VAV2: variants seen among roughly 807,000 people sequenced by gnomAD.
The protein encoded by VAV2 is guanine nucleotide exchange factor VAV2.
In VAV2, 67 loss-of-function variants were observed where a neutral mutation model predicts 132.5. That is an observed-to-expected ratio of 0.51 (90% confidence interval 0.42 to 0.62). VAV2 has a LOEUF of 0.62. Among genes scored for constraint, VAV2 ranks in the 20% least tolerant of loss-of-function variants. The pLI, the probability that VAV2 is intolerant of heterozygous loss-of-function variation, is 0.00. For missense variants in VAV2, 938 were observed against 1,153.6 expected (o/e 0.81, Z 2.71); for synonymous variants, 492 against 443.5 (o/e 1.11, Z -1.37).
intron 1 of VAV2, among the ~76,000 whole-genome samples, chr9:133,950,826 T>C (rs967579046): frequency 6.6e-6 from 1 of 152,066 alleles, no homozygotes; most frequent in South Asian, 2.1e-4. Context: ...TCTCCATTTC[T>C]TCCCCCTTCC....
intron 1 of VAV2, among the ~76,000 whole-genome samples, chr9:133,975,098 C>T (rs1842464042): frequency 6.6e-6 from 1 of 152,228 alleles, no homozygotes; most frequent in African/African-American, 2.4e-5. Context: ...AAAGCACCAA[C>T]AGGCCGTTTC....
At chr9:133,770,573 C>G in intron 26 of VAV2, 72 bp from the exon 27 acceptor site, 1 of 1,584,892 alleles carries the variant, frequency 6.3e-7, no homozygotes, top group Non-Finnish European at 8.6e-7. Flanking sequence ...CCTGGCCTCC[C>G]TCTCCCACCT....
chr9:133,855,971 G>A (rs1837369157), intron 3 of VAV2, among the ~76,000 whole-genome samples: 2 of 152,232 alleles, frequency 1.3e-5, no homozygotes, highest in South Asian at 4.1e-4. Context: ...ATGTTCCACG[G>A]CCATAAAGAG....
At chr9:133,896,963 G>A (rs1017171946) in intron 2 of VAV2, among the ~76,000 whole-genome samples, 8 of 152,010 alleles carry the variant, frequency 5.3e-5, no homozygotes, top group African/African-American at 9.7e-5. Flanking sequence ...GCGTGGTGGC[G>A]GGCGCCTGTA....
At chr9:133,876,329 C>A (rs951704871) in intron 2 of VAV2, among the ~76,000 whole-genome samples, 5 of 152,276 alleles carry the variant, frequency 3.3e-5, no homozygotes, top group Non-Finnish European at 5.9e-5. Context: ...CCACGCCCAG[C>A]ACCACTGACC....
chr9:133,905,867 T>A, intron 2 of VAV2, among the ~76,000 whole-genome samples: 1 of 111,564 alleles, frequency 9.0e-6, no homozygotes, highest in Non-Finnish European at 1.8e-5. Context: ...CGAAACCCCA[T>A]CTCTACAAAA....
intron 3 of VAV2, among the ~76,000 whole-genome samples, chr9:133,835,860 GCGTGCCCCTGTGGCTTCCTGGTAA>G (rs1158689963): frequency 1.3e-5 from 2 of 152,212 alleles, no homozygotes; most frequent in African/African-American, 4.8e-5. Context: ...CCATTGGTCA[GCGTGCCCCTGTGGCTTCCTGGTAA>G]AAGCCCGTGT....
intron 29 of VAV2, among the ~76,000 whole-genome samples, chr9:133,766,580 A>G (rs547148942): frequency 1.7e-4 from 26 of 151,858 alleles, no homozygotes; most frequent in Middle Eastern, 3.4e-3. Flanking sequence ...CAATGAGAAC[A>G]CTTGGACACA....
rs372198205 is a variant in VAV2, at chr9:133,794,433, C to T, written c.1101+1235G>A. Among the ~76,000 whole-genome samples the T allele has an allele frequency of 1.4e-3, 213 of 152,314 alleles. No homozygotes were observed. Among genetic ancestry groups the T allele is most frequent in the African/African-American group, 4.6e-3 (192 of 41,566 alleles). ...ACAGGATTTGGAGTAAATTTCTCCC[C>T]GAGCACAAGCCCTGCTCAGAGAACC... is the stretch of plus-strand genomic sequence containing the variant. On this transcript the variant is annotated intron_variant, in intron 12 of 29. Transcript: ENST00000371850. The surrounding 1 kb of genome is among the most constrained non-coding windows in gnomAD (Gnocchi z 4.6).
chr9:133,963,157 G>C (rs190515104), intron 1 of VAV2, among the ~76,000 whole-genome samples: 41 of 152,268 alleles, frequency 2.7e-4, no homozygotes, highest in African/African-American at 7.0e-4. Flanking sequence ...GCAGAACTCG[G>C]GGTCGAAGCT....
chr9:133,903,219 C>T (rs2132018712), intron 2 of VAV2, among the ~76,000 whole-genome samples: 1 of 152,290 alleles, frequency 6.6e-6, no homozygotes, highest in South Asian at 2.1e-4. Flanking sequence ...CCAGAAGGCA[C>T]CAGCCCCGCC....
intron 2 of VAV2, among the ~76,000 whole-genome samples, chr9:133,872,773 T>C (rs1838110090): frequency 6.7e-6 from 1 of 148,968 alleles, no homozygotes. Context: ...TCTGGGAGCT[T>C]CTTGACTAAG....
intron 2 of VAV2, among the ~76,000 whole-genome samples, chr9:133,920,760 A>ACTGGC (rs1320600064): frequency 6.6e-6 from 1 of 152,066 alleles, no homozygotes; most frequent in African/African-American, 2.4e-5. Context: ...TGGGCAACAT[A>ACTGGC]CTGGCCGCCT....
At chr9:133,968,187 A>G (rs1478881435) in intron 1 of VAV2, among the ~76,000 whole-genome samples, 2 of 152,274 alleles carry the variant, frequency 1.3e-5, no homozygotes, top group Admixed American at 6.5e-5. Context: ...CAAAATAACT[A>G]GAAGAGAGGA....
At chr9:133,941,842 G>T (rs1316931181) in intron 1 of VAV2, among the ~76,000 whole-genome samples, 1 of 152,164 alleles carries the variant, frequency 6.6e-6, no homozygotes, top group African/African-American at 2.4e-5. Flanking sequence ...GACCTCAGGT[G>T]ATCTGCCTGC....
chr9:133,847,266 A>G (rs1836969638), intron 3 of VAV2, among the ~76,000 whole-genome samples: 1 of 152,188 alleles, frequency 6.6e-6, no homozygotes, highest in Admixed American at 6.5e-5. Context: ...TGCTCAGGGA[A>G]GGGAGGATCC....
Position 133,770,362 on chromosome 9 carries a change from T to C in VAV2, c.2347+16A>G, listed in dbSNP as rs1833575934. 2 of 1,613,692 alleles carry C rather than the reference T, an allele frequency of 1.2e-6. No homozygotes were observed. Among genetic ancestry groups the C allele is most frequent in the Non-Finnish European group, 1.7e-6 (2 of 1,179,788 alleles). On this transcript the variant is annotated intron_variant, in intron 27 of 29. Transcript: ENST00000371850. Reference sequence around the variant, plus strand: ...CTCCGAGGAGTGCTGGTGTGCCGGCTGGGCCGGGGCGTTACCTGGGGACCG... The same window carrying C: ...CTCCGAGGAGTGCTGGTGTGCCGGCCGGGCCGGGGCGTTACCTGGGGACCG...
rs1834358361 is a variant in VAV2 at position 133,789,292 on chromosome 9, C to T, written c.1240G>A (p.Val414Ile). The change falls in exon 14 of 30, where the codon GTC becomes ATC. Residue 414 changes from valine (V) to isoleucine (I), a missense_variant. Coordinates refer to ENST00000371850, the MANE Select transcript of VAV2 (RefSeq NM_001134398.2). ...TTGGTGTGGTTGACTATGGACCGGA[C>T]TTTCAGTTCCCCGTCAATCTTTGGT... ...GRPKIDGELK[V>I]RSIVNHTKQD... is the part of the protein sequence containing the mutation. The T allele has an allele frequency of 6.2e-7, 1 of 1,614,160 alleles. No individual in the cohort carries two copies. Among genetic ancestry groups the T allele is most frequent in the Non-Finnish European group, 8.5e-7 (1 of 1,180,038 alleles).
At position 133,804,366 on chromosome 9, in the gene VAV2, C is replaced by T. The variant is rs370323347; in HGVS notation, c.836+1715G>A. 2.4e-3 allele frequency among the ~76,000 whole-genome samples: 371 copies of T among 152,338 alleles called. 1 individual carries two copies. The highest frequency in any genetic ancestry group is 8.4e-3 in the African/African-American group (348 of 41,580). ...GCTGCCCGTCCACAGAGCTCTTGGGCTGGGCCTGTGACTGGACGTGCTGCC... is the reference window on the plus strand; with the variant it reads ...GCTGCCCGTCCACAGAGCTCTTGGGTTGGGCCTGTGACTGGACGTGCTGCC... On this transcript the variant is annotated intron_variant, in intron 9 of 29. Transcript: ENST00000371850. This position sits in a 1 kb window ranked among gnomAD's most constrained non-coding sequence, Gnocchi z 4.5.
Sources: gnomAD v4.1 joint callset for allele counts (sites outside exome capture counted in the v4.1 genomes callset) on GRCh38, gnomAD v4.1.1 for gene constraint, Gnocchi (gnomAD v3.1) non-coding constraint, MANE v1.5 for transcripts, NCBI Gene and HGNC (gene_info 2026-07-23, HGNC 2026-07-21) for gene names.